The following CNTN6 variants were observed in gnomAD, a reference collection of about 807,000 sequenced individuals.
CNTN6 encodes contactin-6.
A neutral mutation model predicts 122.8 loss-of-function variants in CNTN6; 137 were observed. That is an observed-to-expected ratio of 1.12 (90% confidence interval 0.97 to 1.29). The LOEUF (loss-of-function observed/expected upper bound fraction) is 1.29. CNTN6 is among the 50% of genes most tolerant of loss of function. The probability of loss-of-function intolerance (pLI) is 0.00; values close to 1 mark genes in which losing one functional copy is unlikely to be tolerated. For missense variants in CNTN6, 1,634 were observed against 1,223.4 expected (o/e 1.34, Z -5.01); for synonymous variants, 570 against 426.0 (o/e 1.34, Z -4.16).
intron 1 of CNTN6, among the ~76,000 whole-genome samples, chr3:1,108,766 A>C (rs901101343): frequency 6.6e-6 from 1 of 152,048 alleles, no homozygotes; most frequent in African/African-American, 2.4e-5. Flanking sequence ...TGTATATAAA[A>C]ATTAACTAAC....
chr3:1,130,831 C>G (rs1330224750), intron 1 of CNTN6, among the ~76,000 whole-genome samples: 2 of 152,080 alleles, frequency 1.3e-5, no homozygotes, highest in African/African-American at 4.8e-5. Flanking sequence ...AATGATTTGT[C>G]TTTCTTTAAC....
At chr3:1,336,330 T>G (rs1703062632) in intron 11 of CNTN6, among the ~76,000 whole-genome samples, 1 of 152,148 alleles carries the variant, frequency 6.6e-6, no homozygotes, top group African/African-American at 2.4e-5. Context: ...CAGATATATT[T>G]CTGAGGATCA....
At chr3:1,396,317 T>A (rs1301549071) in intron 20 of CNTN6, among the ~76,000 whole-genome samples, 1 of 152,184 alleles carries the variant, frequency 6.6e-6, no homozygotes, top group Non-Finnish European at 1.5e-5. Context: ...TTTTTTCTGC[T>A]CTATAGCTTC....
intron 1 of CNTN6, among the ~76,000 whole-genome samples, chr3:1,141,615 G>C (rs2092609942): frequency 6.6e-6 from 1 of 152,056 alleles, no homozygotes; most frequent in Non-Finnish European, 1.5e-5. Context: ...GTAAGAAAAA[G>C]GTATAATTTG....
intron 2 of CNTN6, among the ~76,000 whole-genome samples, chr3:1,149,141 G>A (rs544012893): frequency 2.0e-5 from 3 of 152,226 alleles, no homozygotes; most frequent in African/African-American, 7.2e-5. Context: ...GGCAATAATC[G>A]TGGCTGTTTT....
chr3:1,384,776 T>C (rs79446571), intron 19 of CNTN6, among the ~76,000 whole-genome samples: 22,394 of 96,510 alleles, frequency 0.23, 1,965 homozygotes, highest in African/African-American at 0.33. Flanking sequence ...TATACACATA[T>C]ATATATATAT....
In CNTN6 at chr3:1,383,079, C is replaced by G. The variant is rs749318488; in HGVS notation, c.2304C>G (p.Ile768Met). 1.2e-6 allele frequency: 2 copies of G among 1,614,008 alleles called. No homozygotes were observed. The highest frequency in any genetic ancestry group is 4.5e-5 in the East Asian group (2 of 44,874). The change falls in exon 18 of 23, where the codon ATC becomes ATG. Residue 768 changes from isoleucine (I) to methionine (M), a missense_variant. Physicochemically the swap from Ile to Met is conservative, Grantham distance 10. Transcript: ENST00000446702. The stretch of plus-strand genomic sequence containing the variant: ...GGTTTGTCTACAGAAATGAAAGCAT[C>G]ATCCCACTGTCTCCCTTTGAAGTCA... The part of the protein sequence containing the change: ...SSRFVYRNES[I>M]IPLSPFEVKV...
chr3:1,300,472 GAA>G (rs1559753877), intron 7 of CNTN6, among the ~76,000 whole-genome samples: 8,097 of 140,228 alleles, frequency 0.058, 897 homozygotes, highest in African/African-American at 0.23. Context: ...AGGAAGGAAG[GAA>G]GGAAGGAAGG....
intron 8 of CNTN6, among the ~76,000 whole-genome samples, chr3:1,323,252 A>G (rs1257810474): frequency 6.6e-6 from 1 of 151,762 alleles, no homozygotes; most frequent in Non-Finnish European, 1.5e-5. Context: ...AGGCAAAAAT[A>G]TCTTAAGTTA....
chr3:1,312,657 A>C (rs976673584), intron 7 of CNTN6, among the ~76,000 whole-genome samples: 1 of 150,666 alleles, frequency 6.6e-6, no homozygotes, highest in African/African-American at 2.4e-5. Flanking sequence ...TGCAAGACAC[A>C]TTAGTTCCTT....
chr3:1,118,962 A>G (rs1302124129), intron 1 of CNTN6, among the ~76,000 whole-genome samples: 1 of 152,120 alleles, frequency 6.6e-6, no homozygotes, highest in East Asian at 1.9e-4. Flanking sequence ...TCATAAGGTG[A>G]GAACGGTGAG....
chr3:1,128,922 T>C (rs2092257503), intron 1 of CNTN6, among the ~76,000 whole-genome samples: 1 of 152,060 alleles, frequency 6.6e-6, no homozygotes, highest in African/African-American at 2.4e-5. Context: ...AGGTAACTTT[T>C]TTATTTCTTA....
intron 12 of CNTN6, among the ~76,000 whole-genome samples, chr3:1,359,413 A>G (rs1707120553): frequency 1.3e-5 from 2 of 152,060 alleles, no homozygotes; most frequent in Non-Finnish European, 2.9e-5. Flanking sequence ...CTTTTAGACA[A>G]TGCTTTCTCT....
At chr3:1,244,209 C>T (rs890785536) in intron 4 of CNTN6, among the ~76,000 whole-genome samples, 2 of 151,950 alleles carry the variant, frequency 1.3e-5, no homozygotes, top group African/African-American at 2.4e-5. Context: ...CTTGAGCACA[C>T]AGGCTAAGGG....
At chr3:1,121,373 C>T (rs1433180675) in intron 1 of CNTN6, among the ~76,000 whole-genome samples, 2 of 151,812 alleles carry the variant, frequency 1.3e-5, no homozygotes, top group Non-Finnish European at 2.9e-5. Context: ...TCCATAGCTC[C>T]TTTATAAGGT....
intron 20 of CNTN6, among the ~76,000 whole-genome samples, chr3:1,386,265 T>G (rs560686114): frequency 2.0e-5 from 2 of 98,238 alleles, no homozygotes; most frequent in South Asian, 6.3e-4. Context: ...TAAATGGTTT[T>G]TTTGTTTTGT....
chr3:1,155,097 C>T (rs562334155), intron 2 of CNTN6, among the ~76,000 whole-genome samples: 6 of 152,238 alleles, frequency 3.9e-5, no homozygotes, highest in African/African-American at 1.4e-4. Context: ...GTAGCTTATC[C>T]CACTATTGGT....
intron 11 of CNTN6, among the ~76,000 whole-genome samples, chr3:1,337,178 AGTT>A (rs1352192795): frequency 6.6e-6 from 1 of 152,130 alleles, no homozygotes; most frequent in Non-Finnish European, 1.5e-5. Flanking sequence ...CAGTTCTTCT[AGTT>A]ACACAGCCAT....
intron 4 of CNTN6, among the ~76,000 whole-genome samples, chr3:1,276,928 C>T (rs1003317116): frequency 1.3e-5 from 2 of 152,172 alleles, no homozygotes; most frequent in East Asian, 1.9e-4. Flanking sequence ...CTTTCAAGAC[C>T]TCCCATATCA....
Sources: gnomAD v4.1 joint callset for allele counts (sites outside exome capture counted in the v4.1 genomes callset) on GRCh38, gnomAD v4.1.1 for gene constraint, MANE v1.5 for transcripts, NCBI Gene and HGNC (gene_info 2026-07-23, HGNC 2026-07-21) for gene names.